CCDC33: variants seen among roughly 807,000 people sequenced by gnomAD.
The protein encoded by CCDC33 is coiled-coil domain-containing protein 33.
In CCDC33, 94 loss-of-function variants were observed where a neutral mutation model predicts 91.9. That is an observed-to-expected ratio of 1.02 (90% CI 0.87 to 1.21). The LOEUF is 1.21. Among genes scored for constraint, CCDC33 ranks in the 50% most tolerant of loss-of-function variants. The pLI is 0.00. For synonymous variants in CCDC33, 396 were observed against 374.5 expected (o/e 1.06, Z -0.66); for missense variants, 940 against 935.5 (o/e 1.00, Z -0.06).
chr15:74,226,513 C>T (rs1411473656), intron 2 of CCDC33, among the ~76,000 whole-genome samples: 1 of 152,098 alleles, frequency 6.6e-6, no homozygotes, highest in Admixed American at 6.6e-5. Flanking sequence ...GGTGGGATTC[C>T]AGCAGAGAGT....
chr15:74,295,821 A>G lies in CCDC33; in HGVS notation c.1163A>G (p.Asp388Gly), dbSNP rs374164076. ...CCTACCTTGGACCCCAAGATCCTGG[A>G]TAAGAAGCTGAGAACCATCCAAGAG... is the stretch of plus-strand genomic sequence containing the variant. ...ALPTLDPKIL[D>G]KKLRTIQESW... Residue 388 changes from aspartate (D) to glycine (G), a missense_variant, in exon 11 of 19, where the codon GAT becomes GGT. By Grantham distance (94) the Asp-to-Gly change is moderately conservative. Transcript: ENST00000398814. 2 of 1,614,040 alleles carry G rather than the reference A, an allele frequency of 1.2e-6. No individual in the cohort carries two copies. The highest frequency in any genetic ancestry group is 2.7e-5 in the African/African-American group (2 of 74,920).
chr15:74,223,776 A>ACACG (rs1555460818), intron 2 of CCDC33, among the ~76,000 whole-genome samples: 1 of 59,326 alleles, frequency 1.7e-5, no homozygotes, highest in Non-Finnish European at 3.7e-5. Context: ...GCAAGCATGC[A>ACACG]CACACACACA....
chr15:74,231,786 C>T (rs1319729974), upstream of CCDC33, among the ~76,000 whole-genome samples: 11 of 152,148 alleles, frequency 7.2e-5, no homozygotes, highest in Admixed American at 2.0e-4. Context: ...GAGGCTGAGG[C>T]GGGTGGATCA....
At chr15:74,330,905 C>T in intron 13 of CCDC33, 76 bp from the exon 14 acceptor site, 2 of 1,533,928 alleles carry the variant, frequency 1.3e-6, no homozygotes, top group Non-Finnish European at 1.8e-6. Context: ...AGCAGAGGGG[C>T]CGAGGTGGAC....
In CCDC33 at chr15:74,218,006, G is replaced by A. The variant is rs1321229766; in HGVS notation, c.310+425G>A. On this transcript the variant is annotated intron_variant, in intron 1 of 2. Coordinates refer to the CCDC33 transcript ENST00000635913. The surrounding 1 kb of genome is among the most constrained non-coding windows in gnomAD (Gnocchi z 4.8). ...ACAGAAATGAGGGGACCTGGGCCCTGCCTTCTGGAACTTCCAGAGCAGGTG... is the reference window on the plus strand; with the variant it reads ...ACAGAAATGAGGGGACCTGGGCCCTACCTTCTGGAACTTCCAGAGCAGGTG... Among the ~76,000 whole-genome samples, 2 of 152,052 alleles carry A rather than the reference G, an allele frequency of 1.3e-5. No individual in the cohort carries two copies. Among genetic ancestry groups the A allele is most frequent in the Non-Finnish European group, 2.9e-5 (2 of 68,020 alleles).
At chr15:74,231,265 T>G (rs556398117) in intron 2 of CCDC33, among the ~76,000 whole-genome samples, 86 of 152,210 alleles carry the variant, frequency 5.7e-4, no homozygotes, top group Non-Finnish European at 1.2e-3. Flanking sequence ...AGTCACAGTC[T>G]GGGGTGTTAT....
intron 17 of CCDC33, among the ~76,000 whole-genome samples, chr15:74,334,390 T>C (rs1428456617): frequency 6.8e-6 from 1 of 147,474 alleles, no homozygotes; most frequent in Non-Finnish European, 1.5e-5. Flanking sequence ...AGGGTCAGGG[T>C]TCAGTGTGTG....
At chr15:74,257,428 C>G (rs1025200851) in intron 2 of CCDC33, among the ~76,000 whole-genome samples, 1 of 152,214 alleles carries the variant, frequency 6.6e-6, no homozygotes, top group Non-Finnish European at 1.5e-5. Context: ...ATCTCAGCTC[C>G]TCCTTTGAGG....
intron 1 of CCDC33, chr15:74,208,897 C>T (rs2074322062): frequency 1.4e-5 from 14 of 989,774 alleles, no homozygotes; most frequent in Non-Finnish European, 1.7e-5. Context: ...AAGCAGGGTG[C>T]TCCCAACACG....
chr15:74,222,855 C>T (rs557686971), intron 2 of CCDC33, among the ~76,000 whole-genome samples: 88 of 148,994 alleles, frequency 5.9e-4, no homozygotes, highest in African/African-American at 2.1e-3. Flanking sequence ...TCCAGGCCGG[C>T]GCTCTCCCAG....
intron 1 of CCDC33, chr15:74,208,003 T>C: frequency 7.2e-7 from 1 of 1,396,104 alleles, no homozygotes; most frequent in Non-Finnish European, 9.3e-7. Context: ...CCATCTGATG[T>C]GCCCTTCCTG....
chr15:74,324,569 T>C (rs2060270925), intron 11 of CCDC33, among the ~76,000 whole-genome samples: 1 of 152,052 alleles, frequency 6.6e-6, no homozygotes, highest in South Asian at 2.1e-4. Flanking sequence ...GCGCTAGTCC[T>C]GAGAGCTCCT....
At chr15:74,207,606 C>G in intron 1 of CCDC33, 1 of 1,258,464 alleles carries the variant, frequency 7.9e-7, no homozygotes. Flanking sequence ...TTACAATACT[C>G]AAACCTCAGG....
chr15:74,213,817 G>A (rs1456577726), upstream of CCDC33, among the ~76,000 whole-genome samples: 1 of 152,216 alleles, frequency 6.6e-6, no homozygotes, highest in Non-Finnish European at 1.5e-5. Flanking sequence ...GGAGGCTGCT[G>A]CAGGGGGCTG....
chr15:74,274,726 C>A (rs1274762642), intron 7 of CCDC33, among the ~76,000 whole-genome samples: 1 of 152,224 alleles, frequency 6.6e-6, no homozygotes, highest in Non-Finnish European at 1.5e-5. Flanking sequence ...AATGAGTGTG[C>A]CCCCTCCCAC....
At chr15:74,211,030 C>A (rs1675346532) in intron 2 of CCDC33, among the ~76,000 whole-genome samples, 1 of 152,098 alleles carries the variant, frequency 6.6e-6, no homozygotes, top group African/African-American at 2.4e-5. Flanking sequence ...TCCTGCTGTA[C>A]CCCAGACTCC....
rs758678333 is a variant in CCDC33, at chr15:74,280,777, T to C, written c.999T>C (p.Leu333=). The C allele has an allele frequency of 1.3e-6, 2 of 1,556,030 alleles. No individual in the cohort carries two copies. The highest frequency in any genetic ancestry group is 3.8e-5 in the Admixed American group (2 of 52,584). The change falls in exon 9 of 19, where the codon CTT becomes CTC. Residue 333 remains leucine (L), a synonymous_variant. Coordinates refer to ENST00000398814, the MANE Select transcript of CCDC33 (RefSeq NM_025055.5). ...TGACAGGGAAAGGCTTGGACGGGCT[T>C]CACGTGGAGCGGCTCCCCATCATGG... ...KMLTGKGLDG[L]HVERLPIMDT...
At position 74,305,386 on chromosome 15, in the gene CCDC33, G is replaced by A. The variant is rs538086606; in HGVS notation, c.1290+9438G>A. 2.6e-5 allele frequency among the ~76,000 whole-genome samples: 4 copies of A among 152,296 alleles called. No homozygotes were observed. The East Asian group carries it at 7.7e-4, about 29-fold the overall frequency. On this transcript the variant is annotated intron_variant, in intron 11 of 18. Coordinates refer to ENST00000398814, the MANE Select transcript of CCDC33 (RefSeq NM_025055.5). The stretch of plus-strand genomic sequence containing the variant: ...GCTGGAAGCCTCCATTTCTGTTCTT[G>A]TACTGGGCACTACAGATATTAGGGG...
chr15:74,333,119 C>G lies in CCDC33; in HGVS notation c.1938+274C>G, dbSNP rs554694388. On this transcript the variant is annotated intron_variant, in intron 16 of 18. Transcript: ENST00000398814. ...TCCCTGAACCCTGACCCCTTTTTCA[C>G]CTGGCTGGCCTCCACCTGGACCCTA... is the stretch of plus-strand genomic sequence containing the variant. 1.8e-4 allele frequency: 178 copies of G among 971,764 alleles called. No individual in the cohort carries two copies. The African/African-American group carries it at 2.7e-3, about 15-fold the overall frequency. The allele number at this position is 971,764 out of a possible 1,614,324, so 60.2% of individuals were successfully genotyped here. A position where few individuals can be genotyped will look rare whatever the true frequency, so the allele number is the denominator to read the frequency against.
Sources: allele counts gnomAD v4.1 joint callset (sites outside exome capture counted in the v4.1 genomes callset), GRCh38; gene constraint gnomAD v4.1.1; non-coding constraint Gnocchi (gnomAD v3.1); transcripts MANE v1.5; gene names NCBI Gene and HGNC (gene_info 2026-07-23, HGNC 2026-07-21).